GLCCI1: variants seen among roughly 807,000 people sequenced by gnomAD.
The protein encoded by GLCCI1 is glucocorticoid induced 1, also known as glucocorticoid-induced transcript 1 protein.
Under a neutral mutation model 52.2 loss-of-function variants are expected in GLCCI1, and 24 were observed. The observed-to-expected ratio is 0.46, with a 90% CI of 0.33 to 0.65. The LOEUF is 0.65. Among genes scored for constraint, GLCCI1 ranks in the 30% least tolerant of loss-of-function variants. GLCCI1 has a pLI of 0.02. For missense variants in GLCCI1, 704 were observed against 701.5 expected (o/e 1.00, Z -0.04); for synonymous variants, 310 against 276.5 (o/e 1.12, Z -1.20).
rs181482354 is a variant in GLCCI1, at chr7:8,076,046, C to G, written c.1177+4915C>G. Among the ~76,000 whole-genome samples the G allele has an allele frequency of 3.2e-4, 48 of 152,334 alleles. 1 individual carries two copies. The highest frequency in any genetic ancestry group is 3.4e-3 in the Middle Eastern group (1 of 294). On this transcript the variant is annotated intron_variant, in intron 6 of 7. Coordinates refer to ENST00000223145, the MANE Select transcript of GLCCI1 (RefSeq NM_138426.4). ...ACCCTAGGCAGACTTTTGAAACAGA[C>G]TGCTTTTGGCATCTTCCTATTCCTT... is the stretch of plus-strand genomic sequence containing the variant.
intron 1 of GLCCI1, among the ~76,000 whole-genome samples, chr7:7,986,251 G>C (rs1780727128): frequency 6.6e-6 from 1 of 152,042 alleles, no homozygotes; most frequent in Non-Finnish European, 1.5e-5. Flanking sequence ...AGTGGCTCCT[G>C]CCTGTAATCC....
chr7:7,996,350 G>T (rs1780936723), intron 1 of GLCCI1, among the ~76,000 whole-genome samples: 1 of 151,744 alleles, frequency 6.6e-6, no homozygotes, highest in African/African-American at 2.4e-5. Context: ...GTTCGTTAAA[G>T]GACTATCATT....
intron 2 of GLCCI1, among the ~76,000 whole-genome samples, chr7:8,016,541 T>C (rs1320227035): frequency 6.6e-6 from 1 of 152,136 alleles, no homozygotes; most frequent in Non-Finnish European, 1.5e-5. Flanking sequence ...TACGGTATGG[T>C]ATGAGAAAGC....
At position 7,969,661 on chromosome 7, in the gene GLCCI1, C is replaced by T. The variant is rs1583932157; in HGVS notation, c.311C>T (p.Pro104Leu). ...CCGGGGCCCGGCGCGGCCCGCGGCC[C>T]CAGCCCGTCCAGCCCGACGCCGCCG... ...SLPGPGAARG[P>L]SPSSPTPPAA... Residue 104 changes from proline (P) to leucine (L), a missense_variant, in exon 1 of 8, where the codon CCC becomes CTC. This residue lies in a region of GLCCI1 where 547 missense variants were observed against 524.8 expected (regional missense o/e 1.04). Coordinates refer to ENST00000223145, the MANE Select transcript of GLCCI1 (RefSeq NM_138426.4). The surrounding 1 kb of genome is among the most constrained non-coding windows in gnomAD (Gnocchi z 4.9). 9.5e-7 allele frequency: 1 copy of T among 1,054,024 alleles called. No individual in the cohort carries two copies. The highest frequency in any genetic ancestry group is 1.7e-5 in the African/African-American group (1 of 57,522). 65.3% of individuals were successfully genotyped at this position (1,054,024 alleles called of 1,614,324 possible).
At chr7:8,051,328 G>C (rs1782254630) in intron 3 of GLCCI1, among the ~76,000 whole-genome samples, 2 of 152,206 alleles carry the variant, frequency 1.3e-5, no homozygotes. Context: ...AAGGCAGGAA[G>C]CATAGCTCCC....
chr7:8,032,481 A>G (rs1313977060), intron 3 of GLCCI1, among the ~76,000 whole-genome samples: 1 of 152,082 alleles, frequency 6.6e-6, no homozygotes, highest in Non-Finnish European at 1.5e-5. Flanking sequence ...AGAGATCACT[A>G]AAGTTGAAAA....
intron 5 of GLCCI1, among the ~76,000 whole-genome samples, chr7:8,061,822 A>G (rs1188004161): frequency 6.6e-6 from 1 of 151,774 alleles, no homozygotes; most frequent in Non-Finnish European, 1.5e-5. Flanking sequence ...ACACACCACC[A>G]TGCCCAGCTA....
rs145976027 is a variant in GLCCI1 at position 7,975,927 on chromosome 7, C to A, written c.457+6120C>A. On this transcript the variant is annotated intron_variant, in intron 1 of 7. Transcript: ENST00000223145. The stretch of plus-strand genomic sequence containing the variant: ...CTTTGTAGTGAATATAAGTGCTTTT[C>A]TCCCCTTTTCTCTCTTCATAAATGT... Among the ~76,000 whole-genome samples, 248 of 152,236 alleles carry A rather than the reference C, an allele frequency of 1.6e-3. 2 individuals are homozygous for A. The highest frequency in any genetic ancestry group is 5.3e-3 in the African/African-American group (222 of 41,536).
intron 5 of GLCCI1, among the ~76,000 whole-genome samples, chr7:8,063,374 G>C (rs1782558228): frequency 6.6e-6 from 1 of 151,664 alleles, no homozygotes; most frequent in African/African-American, 2.4e-5. Context: ...TTGAACTCCT[G>C]AGCTCAGGCA....
rs546862585 is a variant in GLCCI1, at chr7:7,983,243, G to A, written c.457+13436G>A. On this transcript the variant is annotated intron_variant, in intron 1 of 7. Coordinates refer to ENST00000223145, the MANE Select transcript of GLCCI1 (RefSeq NM_138426.4). ...AGAAACTGTATAAAATTGTATGTAG[G>A]AATTTTAGGAAATAGGGAGGTATAG... 2.6e-5 allele frequency among the ~76,000 whole-genome samples: 4 copies of A among 152,140 alleles called. No homozygotes were observed. The East Asian group carries it at 7.7e-4, about 29-fold the overall frequency.
At chr7:8,041,742 C>T (rs1455523022) in intron 3 of GLCCI1, among the ~76,000 whole-genome samples, 1 of 152,124 alleles carries the variant, frequency 6.6e-6, no homozygotes, top group Non-Finnish European at 1.5e-5. Flanking sequence ...AGGCATACAC[C>T]ACCACACCCA....
chr7:8,053,366 C>T (rs1262493379), intron 3 of GLCCI1, among the ~76,000 whole-genome samples: 1 of 148,456 alleles, frequency 6.7e-6, no homozygotes, highest in Non-Finnish European at 1.5e-5. Context: ...CACTGTCGCC[C>T]AGGTTGGAGT....
intron 3 of GLCCI1, among the ~76,000 whole-genome samples, chr7:8,030,756 T>C (rs970397280): frequency 4.3e-4 from 66 of 152,064 alleles, no homozygotes; most frequent in African/African-American, 1.4e-3. Context: ...AAAGAAGACA[T>C]AGACGTGGAA....
chr7:8,037,550 T>C (rs1325947898), intron 3 of GLCCI1, among the ~76,000 whole-genome samples: 2 of 152,168 alleles, frequency 1.3e-5, no homozygotes, highest in African/African-American at 2.4e-5. Flanking sequence ...CATACCAATA[T>C]TAATTCTGAA....
rs916247526 is a variant in GLCCI1, at chr7:8,018,960, A to C, written c.610-3523A>C. On this transcript the variant is annotated intron_variant, in intron 2 of 7. Coordinates refer to ENST00000223145, the MANE Select transcript of GLCCI1 (RefSeq NM_138426.4). Reference sequence around the variant, plus strand: ...AGGGGCTGCTTGCTGATATGAAAGGAAAGAACTTTTGCTACTTTGTGTTAT... The same window carrying C: ...AGGGGCTGCTTGCTGATATGAAAGGCAAGAACTTTTGCTACTTTGTGTTAT... Among the ~76,000 whole-genome samples the C allele has an allele frequency of 3.3e-5, 5 of 152,226 alleles. 1 individual carries two copies. The highest frequency in any genetic ancestry group is 1.2e-4 in the African/African-American group (5 of 41,460).
chr7:8,079,258 T>C (rs1282474759), intron 6 of GLCCI1, among the ~76,000 whole-genome samples: 1 of 138,672 alleles, frequency 7.2e-6, no homozygotes. Flanking sequence ...AGGAGCAGTT[T>C]AACATGAACA....
Position 8,054,635 on chromosome 7 carries a change from A to T in GLCCI1, c.697-798A>T, listed in dbSNP as rs73053543. The stretch of plus-strand genomic sequence containing the variant: ...TTGGAATACATTATATCTTTGTTGT[A>T]TCTCTCTGGGCTCATTGTAGATGTT... On this transcript the variant is annotated intron_variant, in intron 3 of 7. Transcript: ENST00000223145. Among the ~76,000 whole-genome samples, 1,056 of 152,158 alleles carry T rather than the reference A, an allele frequency of 6.9e-3. 5 individuals are homozygous for T. Among genetic ancestry groups the T allele is most frequent in the Non-Finnish European group, 0.011 (730 of 67,944 alleles).
chr7:8,041,279 C>T (rs1486459073), intron 3 of GLCCI1, among the ~76,000 whole-genome samples: 1 of 152,166 alleles, frequency 6.6e-6, no homozygotes, highest in Admixed American at 6.5e-5. Context: ...TCTGTGACAG[C>T]TGAGAGAGAA....
intron 1 of GLCCI1, chr7:7,981,888 T>C: frequency 2.2e-6 from 1 of 464,566 alleles, no homozygotes; most frequent in Non-Finnish European, 4.4e-6. Context: ...GTCAAGTCAC[T>C]CACACACAAG....
Sources: gnomAD v4.1 joint callset for allele counts (sites outside exome capture counted in the v4.1 genomes callset) on GRCh38, gnomAD v4.1.1 for gene constraint, gnomAD v4.1.1 regional missense constraint, Gnocchi (gnomAD v3.1) non-coding constraint, MANE v1.5 for transcripts, NCBI Gene and HGNC (gene_info 2026-07-23, HGNC 2026-07-21) for gene names.